The following TMEM108 variants were observed in gnomAD, a reference collection of about 807,000 sequenced individuals.
TMEM108 encodes the protein transmembrane protein 108.
TMEM108 carries 12 observed loss-of-function variants against 35.1 expected under a neutral mutation model. That is an observed-to-expected ratio of 0.34 (90% CI 0.22 to 0.55). TMEM108 has a LOEUF of 0.55. Among genes scored for constraint, TMEM108 ranks in the 20% least tolerant of loss-of-function variants. The probability of loss-of-function intolerance (pLI) is 0.89; values close to 1 mark genes in which losing one functional copy is unlikely to be tolerated. For missense variants in TMEM108, 680 were observed against 753.3 expected (o/e 0.90, Z 1.14); for synonymous variants, 287 against 308.6 (o/e 0.93, Z 0.73).
intron 1 of TMEM108, chr3:133,041,883 G>A (rs1943280632): frequency 6.6e-6 from 1 of 152,210 alleles, no homozygotes; most frequent in Admixed American, 6.5e-5. Flanking sequence ...AGACAGCAGT[G>A]AGAGTATTAG....
At chr3:133,373,310 C>T (rs1264130861) in intron 3 of TMEM108, among the ~76,000 whole-genome samples, 1 of 144,858 alleles carries the variant, frequency 6.9e-6, no homozygotes, top group Non-Finnish European at 1.5e-5. Flanking sequence ...GATCACGCCA[C>T]TGCACTCTAG....
chr3:133,179,916 C>G (rs1008339933), intron 2 of TMEM108, among the ~76,000 whole-genome samples: 2 of 150,988 alleles, frequency 1.3e-5, no homozygotes, highest in Non-Finnish European at 3.0e-5. Flanking sequence ...ATGAATTACA[C>G]CTCAATTTTA....
intron 3 of TMEM108, among the ~76,000 whole-genome samples, chr3:133,285,315 G>A (rs1946968674): frequency 6.6e-6 from 1 of 152,144 alleles, no homozygotes; most frequent in Non-Finnish European, 1.5e-5. Flanking sequence ...GTTTCCTCTT[G>A]TGTTTTAGAA....
At chr3:133,044,899 G>A (rs897731630) in intron 1 of TMEM108, among the ~76,000 whole-genome samples, 1 of 152,088 alleles carries the variant, frequency 6.6e-6, no homozygotes, top group Non-Finnish European at 1.5e-5. Context: ...TTAGGCTGCA[G>A]TGAGCTGTGA....
At chr3:133,164,767 A>G (rs1003278085) in intron 2 of TMEM108, among the ~76,000 whole-genome samples, 13 of 152,132 alleles carry the variant, frequency 8.5e-5, no homozygotes, top group Admixed American at 7.9e-4. Flanking sequence ...GTGCACCTTA[A>G]ATGATAGAAG....
chr3:133,231,040 A>G (rs1189534131), intron 3 of TMEM108, among the ~76,000 whole-genome samples: 1 of 152,206 alleles, frequency 6.6e-6, no homozygotes, highest in Non-Finnish European at 1.5e-5. Context: ...GATTACTGAC[A>G]TGCATATACA....
chr3:133,059,316 A>G (rs1007266858), intron 2 of TMEM108, among the ~76,000 whole-genome samples: 3 of 152,108 alleles, frequency 2.0e-5, no homozygotes, highest in Non-Finnish European at 2.9e-5. Flanking sequence ...CCATTCTTAT[A>G]TATTTTTTTA....
At chr3:133,153,817 T>C (rs1044715391) in intron 2 of TMEM108, among the ~76,000 whole-genome samples, 21 of 152,134 alleles carry the variant, frequency 1.4e-4, no homozygotes, top group Admixed American at 3.3e-4. Flanking sequence ...TGGTTGTATA[T>C]AGTAAGAATG....
chr3:133,045,746 G>A (rs971802988), intron 1 of TMEM108, among the ~76,000 whole-genome samples, 156 bp from the exon 2 acceptor site: 2 of 152,188 alleles, frequency 1.3e-5, no homozygotes, highest in African/African-American at 4.8e-5. Flanking sequence ...CACCTGTCCA[G>A]TATGCATACA....
intron 3 of TMEM108, among the ~76,000 whole-genome samples, chr3:133,321,686 GA>G (rs2071269715): frequency 6.6e-6 from 1 of 152,122 alleles, no homozygotes; most frequent in African/African-American, 2.4e-5. Flanking sequence ...GGACTTAACA[GA>G]TATTTACAGA....
At chr3:133,288,815 C>G (rs1947021920) in intron 3 of TMEM108, among the ~76,000 whole-genome samples, 2 of 152,132 alleles carry the variant, frequency 1.3e-5, no homozygotes, top group African/African-American at 4.8e-5. Context: ...TCTCAGCTCT[C>G]TGTCCTCCAT....
At position 133,195,618 on chromosome 3, in the gene TMEM108, G is replaced by A. The variant is rs115264239; in HGVS notation, c.-46-33648G>A. ...CTAGATGGGTAAGCTCCTTGAGTCCGCGGGATATATTGTACCACTTATTGG... is the reference window on the plus strand; with the variant it reads ...CTAGATGGGTAAGCTCCTTGAGTCCACGGGATATATTGTACCACTTATTGG... On this transcript the variant is annotated intron_variant, in intron 2 of 5. Transcript: ENST00000321871. Among the ~76,000 whole-genome samples, 1,304 of 152,228 alleles carry A rather than the reference G, an allele frequency of 8.6e-3. 26 individuals are homozygous for A. Among genetic ancestry groups the A allele is most frequent in the African/African-American group, 0.029 (1,213 of 41,518 alleles).
At chr3:133,168,101 A>T (rs1252412650) in intron 2 of TMEM108, among the ~76,000 whole-genome samples, 1 of 152,156 alleles carries the variant, frequency 6.6e-6, no homozygotes, top group East Asian at 1.9e-4. Context: ...TCTAAACTGA[A>T]AAAGGGAAGG....
At chr3:133,349,160 A>G (rs2071913567) in intron 3 of TMEM108, among the ~76,000 whole-genome samples, 1 of 152,158 alleles carries the variant, frequency 6.6e-6, no homozygotes, top group South Asian at 2.1e-4. Context: ...AAAGGAATAC[A>G]AATATAATAC....
intron 2 of TMEM108, among the ~76,000 whole-genome samples, chr3:133,133,751 T>C (rs1487158354): frequency 1.3e-5 from 2 of 150,112 alleles, no homozygotes; most frequent in East Asian, 3.9e-4. Flanking sequence ...AGTGCAGTGG[T>C]GCAATCTTGG....
chr3:133,140,386 A>G (rs906832973), intron 2 of TMEM108, among the ~76,000 whole-genome samples: 13 of 152,208 alleles, frequency 8.5e-5, no homozygotes, highest in Non-Finnish European at 1.9e-4. Flanking sequence ...ACAGTCAGCT[A>G]TGTATATTCC....
intron 2 of TMEM108, among the ~76,000 whole-genome samples, chr3:133,183,039 T>C (rs1465524206): frequency 1.3e-5 from 2 of 152,202 alleles, no homozygotes; most frequent in African/African-American, 2.4e-5. Context: ...TATTTACATA[T>C]AACCAGTAGA....
At chr3:133,189,979 T>C (rs1945475593) in intron 2 of TMEM108, among the ~76,000 whole-genome samples, 1 of 152,092 alleles carries the variant, frequency 6.6e-6, no homozygotes, top group Admixed American at 6.6e-5. Flanking sequence ...CAAATATGGC[T>C]CTCTTTGCTT....
chr3:133,138,029 A>G (rs1335233531), intron 2 of TMEM108, among the ~76,000 whole-genome samples: 2 of 152,234 alleles, frequency 1.3e-5, no homozygotes, highest in African/African-American at 4.8e-5. Context: ...TGTTATACAG[A>G]TTAAAATGTT....
Sources: allele counts gnomAD v4.1 joint callset (sites outside exome capture counted in the v4.1 genomes callset), GRCh38; gene constraint gnomAD v4.1.1; transcripts MANE v1.5; gene names NCBI Gene and HGNC (gene_info 2026-07-23, HGNC 2026-07-21).